FRAS1: variants seen among roughly 807,000 people sequenced by gnomAD.
The protein encoded by FRAS1 is extracellular matrix organizing protein FRAS1.
A neutral mutation model predicts 435.2 loss-of-function variants in FRAS1; 290 were observed. The ratio of observed to expected loss-of-function variants is 0.67; its 90% confidence interval spans 0.61 to 0.73. FRAS1 has a LOEUF of 0.73. FRAS1 is among the 30% of genes least tolerant of loss of function. FRAS1 has a pLI of 0.00. For synonymous variants in FRAS1, 1,800 were observed against 1,851.0 expected (o/e 0.97, Z 0.71); for missense variants, 4,860 against 5,001.5 (o/e 0.97, Z 0.85).
rs534360265 is a variant in FRAS1, at chr4:78,272,874, C to A, written c.981+5442C>A. Reference sequence around the variant, plus strand: ...GAAAGTCATTGGTAGCTTGATGGGGCTGGCATTGAATCTATAAATTACCTT... The same window carrying A: ...GAAAGTCATTGGTAGCTTGATGGGGATGGCATTGAATCTATAAATTACCTT... On this transcript the variant is annotated intron_variant, in intron 9 of 73. Coordinates refer to ENST00000512123, the MANE Select transcript of FRAS1 (RefSeq NM_025074.7). 6.2e-4 allele frequency among the ~76,000 whole-genome samples: 95 copies of A among 152,154 alleles called. 1 individual carries two copies. In the East Asian group the frequency reaches 7.7e-3, roughly 12 times the overall value.
intron 35 of FRAS1, among the ~76,000 whole-genome samples, chr4:78,428,576 G>A (rs1259973615): frequency 2.0e-5 from 3 of 152,166 alleles, no homozygotes; most frequent in Non-Finnish European, 2.9e-5. Flanking sequence ...GCCTGCCTCG[G>A]CCTCCCAGAG....
At chr4:78,513,628 G>A (rs1721110308) in intron 65 of FRAS1, 76 bp downstream of exon 65, 1 of 1,333,986 alleles carries the variant, frequency 7.5e-7, no homozygotes, top group Non-Finnish European at 1.1e-6. Context: ...GCCAGAGTGA[G>A]AACTGCTTTT....
chr4:78,214,129 A>G (rs1001362535), intron 2 of FRAS1, among the ~76,000 whole-genome samples: 3 of 152,218 alleles, frequency 2.0e-5, no homozygotes, highest in Non-Finnish European at 4.4e-5. Flanking sequence ...AGCTGAAAAC[A>G]GCAGAGTAGT....
intron 34 of FRAS1, among the ~76,000 whole-genome samples, chr4:78,423,560 T>C (rs1733880873): frequency 2.6e-5 from 4 of 152,230 alleles, no homozygotes; most frequent in Admixed American, 1.3e-4. Flanking sequence ...AAAGTGGTGA[T>C]TTCTTATGGT....
At chr4:78,425,100 G>GATA (rs35385181) in intron 35 of FRAS1, among the ~76,000 whole-genome samples, 5,663 of 141,888 alleles carry the variant, frequency 0.04, 121 homozygotes, top group Middle Eastern at 0.058. Context: ...CTTAAATGGG[G>GATA]ATAATAATAA....
Position 78,450,246 on chromosome 4 carries a change from G to T in FRAS1, c.6370G>T (p.Ala2124Ser), listed in dbSNP as rs1718980713. 2 of 1,613,692 alleles carry T rather than the reference G, an allele frequency of 1.2e-6. No homozygotes were observed. Among genetic ancestry groups the T allele is most frequent in the South Asian group, 1.1e-5 (1 of 91,062 alleles). ...GTACATCATGAAGGAAGATCCTGGT[G>T]CAGGGCGCCTGCAGATGATGAAGCA... ...VMYIMKEDPG[A>S]GRLQMMKHGN... Residue 2124 changes from alanine to serine, a missense_variant, in exon 45 of 74, where the codon GCA becomes TCA. Coordinates refer to ENST00000512123, the MANE Select transcript of FRAS1 (RefSeq NM_025074.7).
chr4:78,229,887 G>T (rs138390364), intron 2 of FRAS1, among the ~76,000 whole-genome samples: 168 of 152,244 alleles, frequency 1.1e-3, no homozygotes, highest in African/African-American at 3.8e-3. Context: ...TCATGAGTAT[G>T]TGGAGGACCT....
chr4:78,462,707 A>G (rs748696193), intron 47 of FRAS1, among the ~76,000 whole-genome samples: 5 of 152,214 alleles, frequency 3.3e-5, no homozygotes, highest in Admixed American at 6.5e-5. Context: ...GTCCAGAGCC[A>G]AAAGACAAAG....
chr4:78,531,676 A>G (rs1284695411), intron 70 of FRAS1, among the ~76,000 whole-genome samples: 2 of 152,154 alleles, frequency 1.3e-5, no homozygotes, highest in Non-Finnish European at 2.9e-5. Context: ...GAGTGAGGAA[A>G]CAGAAGAAAT....
chr4:78,476,519 G>GT (rs1719857926), intron 54 of FRAS1, among the ~76,000 whole-genome samples: 1 of 152,142 alleles, frequency 6.6e-6, no homozygotes, highest in Non-Finnish European at 1.5e-5. Context: ...ACAGATCTCT[G>GT]TAAAGAGAAG....
intron 2 of FRAS1, among the ~76,000 whole-genome samples, chr4:78,092,857 G>A (rs1741603569): frequency 6.6e-6 from 1 of 152,188 alleles, no homozygotes; most frequent in Non-Finnish European, 1.5e-5. Flanking sequence ...AGTAACTCCT[G>A]CAAATCCTCA....
chr4:78,154,811 G>A (rs925852600), intron 2 of FRAS1, among the ~76,000 whole-genome samples: 3 of 152,162 alleles, frequency 2.0e-5, no homozygotes, highest in Non-Finnish European at 2.9e-5. Flanking sequence ...GTTAGTATGC[G>A]CAGTTCCATG....
At chr4:78,315,866 T>C (rs534962351) in intron 16 of FRAS1, 132 bp downstream of exon 16, 10 of 1,008,894 alleles carry the variant, frequency 9.9e-6, no homozygotes, top group Non-Finnish European at 1.2e-5. Context: ...GATAGCTTTT[T>C]TCATTATGAA....
chr4:78,416,174 T>C (rs138904405), intron 32 of FRAS1, among the ~76,000 whole-genome samples: 159 of 152,200 alleles, frequency 1.0e-3, no homozygotes, highest in African/African-American at 3.7e-3. Context: ...TTATGATAAG[T>C]AAAATAAGCC....
chr4:78,148,552 G>A (rs1028327727), intron 2 of FRAS1, among the ~76,000 whole-genome samples: 11 of 152,182 alleles, frequency 7.2e-5, no homozygotes, highest in Non-Finnish European at 8.8e-5. Flanking sequence ...TTTAGTAAGC[G>A]TTCTTGAGCT....
chr4:78,459,532 T>G (rs1217683263), intron 47 of FRAS1, among the ~76,000 whole-genome samples: 1 of 152,208 alleles, frequency 6.6e-6, no homozygotes. Context: ...TTAGCAATGG[T>G]GTTATTTCAT....
chr4:78,452,046 C>A, intron 46 of FRAS1, 129 bp from the exon 47 acceptor site: 1 of 1,241,340 alleles, frequency 8.1e-7, no homozygotes, highest in South Asian at 1.4e-5. Context: ...GAAGCCCTGG[C>A]TCCTTGGTGT....
At chr4:78,174,371 C>G (rs970651028) in intron 2 of FRAS1, among the ~76,000 whole-genome samples, 1 of 152,114 alleles carries the variant, frequency 6.6e-6, no homozygotes, top group African/African-American at 2.4e-5. Context: ...ACTTGAATGC[C>G]ATTTGAATAT....
At chr4:78,373,446 C>CTAATAATAATAATAA (rs3086797) in intron 24 of FRAS1, among the ~76,000 whole-genome samples, 5 of 138,914 alleles carry the variant, frequency 3.6e-5, no homozygotes, top group Non-Finnish European at 6.2e-5. Flanking sequence ...GAGCCAAGGA[C>CTAATAATAATAATAA]TAATAATAAT....
Sources: gnomAD v4.1 joint callset for allele counts (sites outside exome capture counted in the v4.1 genomes callset) on GRCh38, gnomAD v4.1.1 for gene constraint, MANE v1.5 for transcripts, NCBI Gene and HGNC (gene_info 2026-07-23, HGNC 2026-07-21) for gene names.